Variants in KCNK6 observed in about 807,000 individuals in gnomAD.
The protein encoded by KCNK6 is potassium two pore domain channel subfamily K member 6, also known as potassium channel subfamily K member 6.
KCNK6 carries 20 observed loss-of-function variants against 21.9 expected under a neutral mutation model. That is an observed-to-expected ratio of 0.91 (90% CI 0.64 to 1.32). The LOEUF (loss-of-function observed/expected upper bound fraction) is 1.32. KCNK6 is among the 40% of genes most tolerant of loss of function. The pLI, the probability that KCNK6 is intolerant of heterozygous loss-of-function variation, is 0.00. For synonymous variants in KCNK6, 210 were observed against 218.0 expected (o/e 0.96, Z 0.32); for missense variants, 415 against 433.1 (o/e 0.96, Z 0.37).
chr19:38,331,845 CAG>C lies in KCNK6; in HGVS notation c.*4444_*4445del, dbSNP rs1207387105. The C allele has an allele frequency of 6.6e-6, 1 of 152,158 alleles. No individual in the cohort carries two copies. Among genetic ancestry groups the C allele is most frequent in the African/African-American group, 2.4e-5 (1 of 41,428 alleles). The allele number at this position is 152,158 out of a possible 1,614,324, so 9.4% of individuals were successfully genotyped here. On this transcript the variant is annotated 3_prime_UTR_variant, in exon 3 of 3. Coordinates refer to ENST00000263372, the MANE Select transcript of KCNK6 (RefSeq NM_004823.3). ...TAATATGGTGAGGTTGTTATGATTA[CAG>C]ACTCTGGAGGCAAAGTTCCTGGGTA...
At position 38,326,666 on chromosome 19, in the gene KCNK6, G is replaced by A. The variant is rs886803525; in HGVS notation, c.396G>A (p.Pro132=). 12 of 1,608,408 alleles carry A rather than the reference G, an allele frequency of 7.5e-6. No individual in the cohort carries two copies. The highest frequency in any genetic ancestry group is 1.6e-4 in the Middle Eastern group (1 of 6,084). ...TCGCCTTTGCGCTCCTGGGCGTGCCGACCACCATGCTGCTGCTGACCGCCT... is the reference window on the plus strand; with the variant it reads ...TCGCCTTTGCGCTCCTGGGCGTGCCAACCACCATGCTGCTGCTGACCGCCT... The part of the protein sequence containing the change: ...FSIAFALLGV[P]TTMLLLTASA... Residue 132 remains proline (P), a synonymous_variant, in exon 2 of 3, where the codon CCG becomes CCA. Transcript: ENST00000263372.
At chr19:38,325,256 A>G in intron 1 of KCNK6, 1 of 211,098 alleles carries the variant, frequency 4.7e-6, no homozygotes, top group Non-Finnish European at 8.2e-6. Flanking sequence ...AGCTGGGACT[A>G]TAGGCGTGAG....
In KCNK6 at chr19:38,331,676, A is replaced by G. The variant is rs1969769531; in HGVS notation, c.*4273A>G. On this transcript the variant is annotated 3_prime_UTR_variant, in exon 3 of 3. Transcript: ENST00000263372. ...TGTGCTAAAAAATTCATCAGGTACT[A>G]AAGAGTGTACGGTGGAAAGTAAGTC... is the stretch of plus-strand genomic sequence containing the variant. 2 of 152,186 alleles carry G rather than the reference A, an allele frequency of 1.3e-5. No homozygotes were observed. The highest frequency in any genetic ancestry group is 1.3e-4 in the Admixed American group (2 of 15,264). The allele number at this position is 152,186 out of a possible 1,614,324, so 9.4% of individuals were successfully genotyped here.
chr19:38,326,361 C>A (rs1969706660), intron 1 of KCNK6, among the ~76,000 whole-genome samples: 1 of 152,044 alleles, frequency 6.6e-6, no homozygotes, highest in African/African-American at 2.4e-5. Context: ...CTAGCCTGGG[C>A]AACATAGTAG....
At position 38,320,131 on chromosome 19, in the gene KCNK6, G is replaced by T; in HGVS notation, c.181G>T (p.Ala61Ser). Residue 61 changes from alanine (A) to serine (S), a missense_variant, in exon 1 of 3, where the codon GCC becomes TCC. Ala to Ser is a moderately conservative substitution (Grantham distance 99). Transcript: ENST00000263372. ...SPCVAAPALDAFVERVLAAGR... is the reference protein window; with the variant it reads ...SPCVAAPALDSFVERVLAAGR... Reference sequence around the variant, plus strand: ...GTGTGTGGCTGCCCCCGCCCTGGACGCCTTCGTGGAGCGAGTGCTGGCGGC... The same window carrying T: ...GTGTGTGGCTGCCCCCGCCCTGGACTCCTTCGTGGAGCGAGTGCTGGCGGC... The T allele has an allele frequency of 6.3e-7, 1 of 1,588,916 alleles. No individual in the cohort carries two copies. The highest frequency in any genetic ancestry group is 8.5e-7 in the Non-Finnish European group (1 of 1,174,932).
Position 38,326,701 on chromosome 19 carries a change from G to A in KCNK6, c.431G>A (p.Arg144His), listed in dbSNP as rs751028326. 1.2e-5 allele frequency: 19 copies of A among 1,605,330 alleles called. 1 individual carries two copies. The highest frequency in any genetic ancestry group is 1.6e-4 in the Middle Eastern group (1 of 6,084). Residue 144 changes from arginine (R) to histidine (H), a missense_variant, in exon 2 of 3, where the codon CGC becomes CAC. Transcript: ENST00000263372. ...CTGCTGCTGACCGCCTCAGCCCAGC[G>A]CCTGTCACTGCTGCTGACTCACGTG... is the stretch of plus-strand genomic sequence containing the variant. ...TMLLLTASAQ[R>H]LSLLLTHVPL... is the part of the protein sequence containing the mutation.
In KCNK6 at chr19:38,320,418, C is replaced by T. The variant is rs1969637621; in HGVS notation, c.322+146C>T. 4 of 859,938 alleles carry T rather than the reference C, an allele frequency of 4.7e-6. No individual in the cohort carries two copies. The South Asian group carries it at 5.4e-5, about 12-fold the overall frequency. 53.3% of individuals were successfully genotyped at this position (859,938 alleles called of 1,614,324 possible). On this transcript the variant is annotated intron_variant, in intron 1 of 2. Coordinates refer to ENST00000263372, the MANE Select transcript of KCNK6 (RefSeq NM_004823.3). Reference sequence around the variant, plus strand: ...CCCCGAAAAGACCCCAGTGAGGACCCGGGACCCAGGCTCATGATATCTGCT... The same window carrying T: ...CCCCGAAAAGACCCCAGTGAGGACCTGGGACCCAGGCTCATGATATCTGCT...
In KCNK6 at chr19:38,329,229, C is replaced by CA. The variant is rs749397596; in HGVS notation, c.*1838dup. 6.7e-4 allele frequency: 66 copies of CA among 98,648 alleles called. No homozygotes were observed. Among genetic ancestry groups the CA allele is most frequent in the South Asian group, 1.5e-3 (4 of 2,736 alleles). 6.1% of individuals were successfully genotyped at this position (98,648 alleles called of 1,614,324 possible). ...CCTGGGTGACAGCAAGACTCCGTCT[C>CA]AAAAAAAAAAAAGAAAGAAAGAAAA... is the stretch of plus-strand genomic sequence containing the variant. On this transcript the variant is annotated 3_prime_UTR_variant, in exon 3 of 3. Coordinates refer to ENST00000263372, the MANE Select transcript of KCNK6 (RefSeq NM_004823.3).
chr19:38,320,256 G>C lies in KCNK6; in HGVS notation c.306G>C (p.Thr102=), dbSNP rs777002704. 1 of 1,606,192 alleles carries C rather than the reference G, an allele frequency of 6.2e-7. No homozygotes were observed. The highest frequency in any genetic ancestry group is 1.3e-5 in the African/African-American group (1 of 74,730). The change falls in exon 1 of 3, where the codon ACG becomes ACC. Residue 102 remains threonine, a synonymous_variant. Transcript: ENST00000263372. The part of the protein sequence containing the change: ...DFASALFFAS[T]LITTVGYGYT... Reference sequence around the variant, plus strand: ...CCTCTGCTCTCTTCTTCGCCAGCACGCTGATCACCACCGTGGGTACGTAAG... The same window carrying C: ...CCTCTGCTCTCTTCTTCGCCAGCACCCTGATCACCACCGTGGGTACGTAAG...
At position 38,326,982 on chromosome 19, in the gene KCNK6, G is replaced by C. The variant is rs759252487; in HGVS notation, c.712G>C (p.Val238Leu). Reference protein sequence around the residue: ...QPYRALYKVLVTVYLFLGLVA... With the variant: ...QPYRALYKVLLTVYLFLGLVA... ...CTACCGGGCCCTCTACAAGGTGCTG[G>C]TCACAGGTGAGCTGGGTGGCTAGGG... is the stretch of plus-strand genomic sequence containing the variant. The change falls in exon 2 of 3, where the codon GTC becomes CTC. Residue 238 changes from valine to leucine, a missense_variant. Transcript: ENST00000263372. The C allele has an allele frequency of 1.3e-6, 2 of 1,599,062 alleles. No individual in the cohort carries two copies. Among genetic ancestry groups the C allele is most frequent in the Admixed American group, 3.4e-5 (2 of 59,420 alleles).
intron 1 of KCNK6, among the ~76,000 whole-genome samples, chr19:38,323,523 C>T (rs1392248489): frequency 1.3e-5 from 2 of 152,234 alleles, no homozygotes; most frequent in Non-Finnish European, 2.9e-5. Flanking sequence ...CATTACAATC[C>T]TTGTAACTCT....
Position 38,319,948 on chromosome 19 carries a change from G to T in KCNK6, c.-3G>T. Reference sequence around the variant, plus strand: ...CAGGGCTCGCGGGGTCCCGGTGGGTGCCATGCGGAGGGGCGCGCTTCTGGC... The same window carrying T: ...CAGGGCTCGCGGGGTCCCGGTGGGTTCCATGCGGAGGGGCGCGCTTCTGGC... On this transcript the variant is annotated 5_prime_UTR_variant, in exon 1 of 3. Coordinates refer to ENST00000263372, the MANE Select transcript of KCNK6 (RefSeq NM_004823.3). 6.9e-7 allele frequency: 1 copy of T among 1,439,344 alleles called. No homozygotes were observed. The allele number at this position is 1,439,344 out of a possible 1,614,324, so 89.2% of individuals were successfully genotyped here.
intron 1 of KCNK6, chr19:38,325,278 G>A (rs574258218): frequency 7.5e-4 from 259 of 347,006 alleles, no homozygotes; most frequent in Non-Finnish European, 9.4e-4. Flanking sequence ...CACCATGCCC[G>A]GCTAATTTTT....
In KCNK6 at chr19:38,331,238, G is replaced by C. The variant is rs1434631370; in HGVS notation, c.*3835G>C. ...CCAGTTACTCAGGAGGATGAGGCAG[G>C]AGGATCACTTGAGCCTAGGAGGTTG... On this transcript the variant is annotated 3_prime_UTR_variant, in exon 3 of 3. Coordinates refer to ENST00000263372, the MANE Select transcript of KCNK6 (RefSeq NM_004823.3). 6.5e-6 allele frequency: 1 copy of C among 152,760 alleles called. No individual in the cohort carries two copies. The highest frequency in any genetic ancestry group is 1.5e-5 in the Non-Finnish European group (1 of 68,592). 9.5% of individuals were successfully genotyped at this position (152,760 alleles called of 1,614,324 possible). A position where few individuals can be genotyped will look rare whatever the true frequency, so the allele number is the denominator to read the frequency against.
chr19:38,326,585 T>A lies in KCNK6; in HGVS notation c.323-8T>A, dbSNP rs777376664. 1 of 1,594,212 alleles carries A rather than the reference T, an allele frequency of 6.3e-7. No individual in the cohort carries two copies. The highest frequency in any genetic ancestry group is 1.7e-5 in the Admixed American group (1 of 57,506). ...AAGATTTACCCTTTACTCTCTTTAC[T>A]CCCCTAGGCTATGGGTACACAACGC... is the stretch of plus-strand genomic sequence containing the variant. On this transcript the variant is annotated splice_polypyrimidine_tract_variant and splice_region_variant and intron_variant, in intron 1 of 2. Coordinates refer to ENST00000263372, the MANE Select transcript of KCNK6 (RefSeq NM_004823.3).
In KCNK6 at chr19:38,330,628, C is replaced by CAAAAAAAAAG. The variant is rs1969760229; in HGVS notation, c.*3234_*3235insGAAAAAAAAA. The CAAAAAAAAAG allele has an allele frequency of 9.5e-6, 1 of 105,102 alleles. No individual in the cohort carries two copies. Among genetic ancestry groups the CAAAAAAAAAG allele is most frequent in the Non-Finnish European group, 2.0e-5 (1 of 48,838 alleles). 6.5% of individuals were successfully genotyped at this position (105,102 alleles called of 1,614,324 possible). ...TGGGTGACAGAGCAAGACCCTGTCT[C>CAAAAAAAAAG]AAAAAAAAAAAAAGAAAAGAAAAAG... is the stretch of plus-strand genomic sequence containing the variant. On this transcript the variant is annotated 3_prime_UTR_variant, in exon 3 of 3. Transcript: ENST00000263372.
At position 38,320,080 on chromosome 19, in the gene KCNK6, C is replaced by CGGGCGCAGCTGCTT. The variant is rs750460223; in HGVS notation, c.131_144dup (p.Gln49GlyfsTer60). 4 of 1,532,150 alleles carry CGGGCGCAGCTGCTT rather than the reference C, an allele frequency of 2.6e-6. No homozygotes were observed. In the South Asian group the frequency reaches 4.7e-5, roughly 18 times the overall value. 94.9% of individuals were successfully genotyped at this position (1,532,150 alleles called of 1,614,324 possible). ...GCTCCGAGCCGAGCTGGAGACGCTG[C>CGGGCGCAGCTGCTT]GGGCGCAGCTGCTTCAGCGCAGCCC... is the stretch of plus-strand genomic sequence containing the variant. On this transcript the variant is annotated frameshift_variant, in exon 1 of 3. Coordinates refer to ENST00000263372, the MANE Select transcript of KCNK6 (RefSeq NM_004823.3). LOFTEE classifies it high-confidence loss of function.
rs778335237 is a variant in KCNK6, at chr19:38,320,237, C to T, written c.287C>T (p.Ala96Val). Residue 96 changes from alanine to valine, a missense_variant, in exon 1 of 3, where the codon GCT becomes GTT. Coordinates refer to ENST00000263372, the MANE Select transcript of KCNK6 (RefSeq NM_004823.3). ...GACCCCGCCTGGGACTTCGCCTCTG[C>T]TCTCTTCTTCGCCAGCACGCTGATC... ...ASDPAWDFAS[A>V]LFFASTLITT... 1 of 1,606,026 alleles carries T rather than the reference C, an allele frequency of 6.2e-7. No homozygotes were observed. The highest frequency in any genetic ancestry group is 8.5e-7 in the Non-Finnish European group (1 of 1,179,786).
At chr19:38,323,870 A>C (rs1473488788) in intron 1 of KCNK6, among the ~76,000 whole-genome samples, 1 of 152,154 alleles carries the variant, frequency 6.6e-6, no homozygotes, top group African/African-American at 2.4e-5. Context: ...CTGGAATTAC[A>C]GGTGTGAGCC....
Sources: gnomAD v4.1 joint callset for allele counts (sites outside exome capture counted in the v4.1 genomes callset) on GRCh38, gnomAD v4.1.1 for gene constraint, MANE v1.5 for transcripts, NCBI Gene and HGNC (gene_info 2026-07-23, HGNC 2026-07-21) for gene names.